CADM1: variants seen among roughly 807,000 people sequenced by gnomAD.
CADM1 encodes TSLC-1.
In CADM1, 15 loss-of-function variants were observed where a neutral mutation model predicts 53.1. The ratio of observed to expected loss-of-function variants is 0.28; its 90% confidence interval spans 0.19 to 0.44. The LOEUF (loss-of-function observed/expected upper bound fraction) is 0.44. CADM1 is among the 20% of genes least tolerant of loss of function. CADM1 has a pLI of 1.00. For missense variants in CADM1, 434 were observed against 611.3 expected (o/e 0.71, Z 3.06); for synonymous variants, 281 against 243.0 (o/e 1.16, Z -1.45).
At chr11:115,425,943 G>T (rs1310970571) in intron 1 of CADM1, among the ~76,000 whole-genome samples, 1 of 152,128 alleles carries the variant, frequency 6.6e-6, no homozygotes, top group Non-Finnish European at 1.5e-5. Context: ...TTAACTAGGC[G>T]CATCTAGGCC....
intron 11 of CADM1, among the ~76,000 whole-genome samples, chr11:115,178,165 C>T (rs900420805): frequency 6.6e-6 from 1 of 152,108 alleles, no homozygotes; most frequent in African/African-American, 2.4e-5. Flanking sequence ...TTTTCTTTAA[C>T]CTGGGCACAT....
chr11:115,249,332 C>G (rs981327512), intron 1 of CADM1, among the ~76,000 whole-genome samples: 3 of 152,160 alleles, frequency 2.0e-5, no homozygotes, highest in African/African-American at 7.2e-5. Flanking sequence ...CCACTGTTGA[C>G]AAGCATGGAC....
chr11:115,334,765 C>A (rs1242560701), intron 1 of CADM1, among the ~76,000 whole-genome samples: 1 of 152,090 alleles, frequency 6.6e-6, no homozygotes, highest in Non-Finnish European at 1.5e-5. Context: ...ACAGTAAATA[C>A]ACATTCGAGT....
At chr11:115,502,675 C>A (rs1394467456) in intron 1 of CADM1, among the ~76,000 whole-genome samples, 1 of 152,146 alleles carries the variant, frequency 6.6e-6, no homozygotes, top group Non-Finnish European at 1.5e-5. Context: ...GCCAGACGCC[C>A]CCCAATAGGT....
chr11:115,172,022 T>A lies in CADM1; in HGVS notation c.*4452A>T, dbSNP rs1349633313. On this transcript the variant is annotated 3_prime_UTR_variant, in exon 12 of 12. Coordinates refer to ENST00000331581, the MANE Select transcript of CADM1 (RefSeq NM_001301043.2). ...GAACAAGTAGTGTGTGTCTGGCACCTTTTTGGCTGAGCGCTGACTGCATAT... is the reference window on the plus strand; with the variant it reads ...GAACAAGTAGTGTGTGTCTGGCACCATTTTGGCTGAGCGCTGACTGCATAT... 1 of 152,224 alleles carries A rather than the reference T, an allele frequency of 6.6e-6. No homozygotes were observed. Among genetic ancestry groups the A allele is most frequent in the East Asian group, 1.9e-4 (1 of 5,180 alleles). 9.4% of individuals were successfully genotyped at this position (152,224 alleles called of 1,614,324 possible).
chr11:115,285,180 A>G (rs939776350), intron 1 of CADM1, among the ~76,000 whole-genome samples: 11 of 152,262 alleles, frequency 7.2e-5, no homozygotes, highest in African/African-American at 2.4e-4. Context: ...TCAGGAGAGT[A>G]TGACTTTACC....
At chr11:115,292,909 G>T (rs1032515002) in intron 1 of CADM1, among the ~76,000 whole-genome samples, 1 of 152,104 alleles carries the variant, frequency 6.6e-6, no homozygotes, top group Non-Finnish European at 1.5e-5. Context: ...AGACAAGGAC[G>T]CCCCTTGCTA....
Position 115,218,353 on chromosome 11 carries a change from T to C in CADM1, c.722-362A>G, listed in dbSNP as rs928239484. ...AGATATCTGTGGTGCTCAGAATTGA[T>C]ACATTTTATCATATATCATATATTA... On this transcript the variant is annotated intron_variant, in intron 5 of 11. Coordinates refer to ENST00000331581, the MANE Select transcript of CADM1 (RefSeq NM_001301043.2). 2.0e-5 allele frequency among the ~76,000 whole-genome samples: 3 copies of C among 152,360 alleles called. No individual in the cohort carries two copies. In the East Asian group the frequency reaches 5.8e-4, roughly 29 times the overall value.
chr11:115,190,849 T>C, intron 10 of CADM1, 39 bp downstream of exon 10: 1 of 1,548,584 alleles, frequency 6.5e-7, no homozygotes, highest in Middle Eastern at 1.7e-4. Flanking sequence ...CACCCACAGG[T>C]TGGACACTGC....
intron 1 of CADM1, among the ~76,000 whole-genome samples, chr11:115,278,198 G>A (rs189212914): frequency 2.6e-5 from 4 of 152,000 alleles, no homozygotes; most frequent in South Asian, 4.2e-4. Context: ...AATAATACCC[G>A]CCCTGTGAAC....
rs78112553 is a variant in CADM1 at position 115,415,296 on chromosome 11, A to G, written c.124+88975T>C. 4.9e-3 allele frequency among the ~76,000 whole-genome samples: 427 copies of G among 87,572 alleles called. 2 individuals are homozygous for G. The highest frequency in any genetic ancestry group is 0.018 in the African/African-American group (396 of 21,926). The allele number at this position is 87,572 out of a possible 152,430, so 57.5% of individuals were successfully genotyped here. A position where few individuals can be genotyped will look rare whatever the true frequency, so the allele number is the denominator to read the frequency against. ...CTAACCAAATGTTGGCTATTCTTAA[A>G]TTCATCACCCTTTCTCTATATAACT... On this transcript the variant is annotated intron_variant, in intron 1 of 11. Coordinates refer to ENST00000331581, the MANE Select transcript of CADM1 (RefSeq NM_001301043.2).
intron 1 of CADM1, among the ~76,000 whole-genome samples, chr11:115,349,969 G>GTATTGTT (rs765423469): frequency 3.9e-5 from 6 of 151,984 alleles, no homozygotes; most frequent in African/African-American, 7.2e-5. Flanking sequence ...TTCTTTGTTT[G>GTATTGTT]TTTTGTTTTT....
At chr11:115,420,371 CG>C (rs2135268506) in intron 1 of CADM1, among the ~76,000 whole-genome samples, 1 of 152,282 alleles carries the variant, frequency 6.6e-6, no homozygotes, top group African/African-American at 2.4e-5. Context: ...GCTGGCATCC[CG>C]GGGTGTCACA....
chr11:115,246,895 G>A (rs1942426537), intron 1 of CADM1, among the ~76,000 whole-genome samples: 1 of 152,156 alleles, frequency 6.6e-6, no homozygotes, highest in South Asian at 2.1e-4. Flanking sequence ...ATCAGTAACA[G>A]GTGAGGCAAA....
At chr11:115,178,852 G>A (rs1008914998) in intron 10 of CADM1, 77 bp from the exon 11 acceptor site, 48 of 1,482,700 alleles carry the variant, frequency 3.2e-5, no homozygotes, top group Non-Finnish European at 4.4e-5. Context: ...CTGTCTCCAG[G>A]GTCAGAGGGT....
intron 1 of CADM1, chr11:115,445,737 G>C (rs1220234861): frequency 2.2e-6 from 1 of 449,942 alleles, no homozygotes; most frequent in Non-Finnish European, 4.5e-6. Flanking sequence ...CCAGCTACTT[G>C]AGAGGCTGAG....
intron 7 of CADM1, among the ~76,000 whole-genome samples, chr11:115,211,308 G>A (rs1565300348): frequency 6.6e-6 from 1 of 151,836 alleles, no homozygotes; most frequent in South Asian, 2.1e-4. Context: ...CACTAAAGAC[G>A]TCCCGCTCCC....
At chr11:115,246,443 T>C (rs1028981482) in intron 1 of CADM1, among the ~76,000 whole-genome samples, 1 of 152,200 alleles carries the variant, frequency 6.6e-6, no homozygotes, top group Non-Finnish European at 1.5e-5. Context: ...ATATGTGACA[T>C]TGACCCAAAC....
intron 1 of CADM1, among the ~76,000 whole-genome samples, chr11:115,361,171 A>C (rs555287910): frequency 1.3e-5 from 2 of 152,330 alleles, no homozygotes; most frequent in Admixed American, 1.3e-4. Flanking sequence ...CCACTCAGAC[A>C]ACATACAACA....
Sources: gnomAD v4.1 joint callset for allele counts (sites outside exome capture counted in the v4.1 genomes callset) on GRCh38, gnomAD v4.1.1 for gene constraint, MANE v1.5 for transcripts, NCBI Gene and HGNC (gene_info 2026-07-23, HGNC 2026-07-21) for gene names.